AUTS2: variants seen among roughly 807,000 people sequenced by gnomAD.
The protein encoded by AUTS2 is autism susceptibility gene 2 protein.
A neutral mutation model predicts 112.4 loss-of-function variants in AUTS2; 17 were observed. The ratio of observed to expected loss-of-function variants is 0.15; its 90% confidence interval spans 0.10 to 0.23. The LOEUF is 0.23. Among genes scored for constraint, AUTS2 ranks in the 10% least tolerant of loss-of-function variants. AUTS2 has a pLI of 1.00. For synonymous variants in AUTS2, 751 were observed against 702.7 expected (o/e 1.07, Z -1.09); for missense variants, 1,510 against 1,701.6 (o/e 0.89, Z 1.98).
intron 4 of AUTS2, among the ~76,000 whole-genome samples, chr7:70,343,447 G>GTAAT (rs1203349065): frequency 6.6e-6 from 1 of 152,220 alleles, no homozygotes; most frequent in Non-Finnish European, 1.5e-5. Flanking sequence ...TTGTGTGCTA[G>GTAAT]TAATTGTGGT....
chr7:70,720,479 G>C (rs1015247184), intron 6 of AUTS2, among the ~76,000 whole-genome samples: 2 of 152,150 alleles, frequency 1.3e-5, no homozygotes, highest in African/African-American at 2.4e-5. Context: ...CACGGGCACA[G>C]AGCATCTTCT....
At chr7:70,673,948 C>T (rs1191996843) in intron 5 of AUTS2, among the ~76,000 whole-genome samples, 1 of 152,212 alleles carries the variant, frequency 6.6e-6, no homozygotes, top group Non-Finnish European at 1.5e-5. Flanking sequence ...TGCCATGAGG[C>T]GTATCCTACA....
chr7:69,918,793 C>T (rs1327280863), intron 2 of AUTS2, among the ~76,000 whole-genome samples: 1 of 152,178 alleles, frequency 6.6e-6, no homozygotes, highest in Non-Finnish European at 1.5e-5. Context: ...TAGGAAACAG[C>T]GCTTAGAGCT....
At chr7:69,976,041 C>T (rs972670566) in intron 2 of AUTS2, among the ~76,000 whole-genome samples, 9 of 152,242 alleles carry the variant, frequency 5.9e-5, no homozygotes, top group Non-Finnish European at 1.2e-4. Flanking sequence ...ACCATGTTAA[C>T]GGTTATTAAG....
At chr7:70,216,524 A>G (rs1183443426) in intron 4 of AUTS2, among the ~76,000 whole-genome samples, 1 of 152,100 alleles carries the variant, frequency 6.6e-6, no homozygotes, top group Non-Finnish European at 1.5e-5. Flanking sequence ...ATTCATCTTC[A>G]GGGTTTGTCT....
In AUTS2 at chr7:69,878,587, C is replaced by G. The variant is rs559280805; in HGVS notation, c.310-20699C>G. On this transcript the variant is annotated intron_variant, in intron 1 of 18. Transcript: ENST00000342771. ...TGAAAACGGATGGTTCTTGAGGCTT[C>G]CAGAGGTCAATCTGGCATAAGAAGT... is the stretch of plus-strand genomic sequence containing the variant. Among the ~76,000 whole-genome samples the G allele has an allele frequency of 8.4e-4, 128 of 152,262 alleles. 3 individuals carry two copies. In the South Asian group the frequency reaches 0.024, roughly 29 times the overall value.
chr7:70,122,251 AT>A (rs1285326953), intron 3 of AUTS2, among the ~76,000 whole-genome samples: 1 of 152,182 alleles, frequency 6.6e-6, no homozygotes, highest in Non-Finnish European at 1.5e-5. Flanking sequence ...GATGATAACA[AT>A]GTTTTGGAAA....
intron 5 of AUTS2, among the ~76,000 whole-genome samples, chr7:70,585,889 G>A (rs184312389): frequency 1.7e-4 from 26 of 150,186 alleles, no homozygotes; most frequent in African/African-American, 6.2e-4. Context: ...TTGAGACAGT[G>A]TCTTGCTCTG....
intron 1 of AUTS2, among the ~76,000 whole-genome samples, chr7:69,765,449 A>C (rs1220148967): frequency 6.6e-6 from 1 of 152,138 alleles, no homozygotes. Flanking sequence ...TATGCAATCC[A>C]AAAGAGTTAG....
At chr7:70,023,746 G>A (rs1800389924) in intron 2 of AUTS2, among the ~76,000 whole-genome samples, 1 of 152,176 alleles carries the variant, frequency 6.6e-6, no homozygotes, top group Non-Finnish European at 1.5e-5. Flanking sequence ...TCTCTCCTCT[G>A]CTATGGAGTA....
chr7:69,720,928 A>G (rs557059857), intron 1 of AUTS2, among the ~76,000 whole-genome samples: 13 of 152,214 alleles, frequency 8.5e-5, no homozygotes, highest in Non-Finnish European at 1.8e-4. Context: ...AAGAAGGTGG[A>G]ATGGAGTTCA....
rs375702383 is a variant in AUTS2 at position 70,749,356 on chromosome 7, A to G, written c.743-13514A>G. Among the ~76,000 whole-genome samples, 89 of 152,140 alleles carry G rather than the reference A, an allele frequency of 5.8e-4. 1 individual carries two copies. In the South Asian group the frequency reaches 7.9e-3, roughly 14 times the overall value. On this transcript the variant is annotated intron_variant, in intron 6 of 18. Transcript: ENST00000342771. The stretch of plus-strand genomic sequence containing the variant: ...TGTGCATGGGGCAGGGCTGGGCGGC[A>G]CGGGGAGGGGGGTCCGCGAATGTAC...
intron 1 of AUTS2, among the ~76,000 whole-genome samples, chr7:69,637,716 T>C (rs1370470691): frequency 8.5e-5 from 13 of 152,120 alleles, no homozygotes; most frequent in African/African-American, 1.2e-4. Context: ...TTTTGCTAAG[T>C]ATATGAAAAA....
intron 4 of AUTS2, among the ~76,000 whole-genome samples, chr7:70,168,900 A>C (rs1808522495): frequency 6.6e-6 from 1 of 152,182 alleles, no homozygotes; most frequent in Admixed American, 6.5e-5. Flanking sequence ...ATATTAGGTC[A>C]TCATTTCCTC....
intron 4 of AUTS2, among the ~76,000 whole-genome samples, chr7:70,349,268 T>A (rs887349674): frequency 6.6e-6 from 1 of 152,208 alleles, no homozygotes; most frequent in African/African-American, 2.4e-5. Flanking sequence ...GTGGGCTTAG[T>A]GATTCTGCTG....
intron 1 of AUTS2, among the ~76,000 whole-genome samples, chr7:69,836,730 C>G (rs984420500): frequency 2.0e-5 from 3 of 152,176 alleles, no homozygotes; most frequent in East Asian, 1.9e-4. Flanking sequence ...CACACTTAAA[C>G]TCTGTTTCAG....
At chr7:69,844,032 A>G (rs1203563802) in intron 1 of AUTS2, among the ~76,000 whole-genome samples, 1 of 152,200 alleles carries the variant, frequency 6.6e-6, no homozygotes, top group Non-Finnish European at 1.5e-5. Context: ...AAAAATTCAC[A>G]TACCAGCCAA....
intron 1 of AUTS2, among the ~76,000 whole-genome samples, chr7:69,769,654 A>G (rs902843066): frequency 6.6e-6 from 1 of 152,228 alleles, no homozygotes; most frequent in Non-Finnish European, 1.5e-5. Flanking sequence ...CTAGAAATTA[A>G]TAATGCAGAC....
At chr7:70,355,031 T>C (rs1791936048) in intron 4 of AUTS2, among the ~76,000 whole-genome samples, 1 of 150,578 alleles carries the variant, frequency 6.6e-6, no homozygotes, top group African/African-American at 2.4e-5. Context: ...TGTGTATGGG[T>C]GTGTGTGTAT....
Sources: allele counts gnomAD v4.1 joint callset (sites outside exome capture counted in the v4.1 genomes callset), GRCh38; gene constraint gnomAD v4.1.1; transcripts MANE v1.5; gene names NCBI Gene and HGNC (gene_info 2026-07-23, HGNC 2026-07-21).